The following ETFB variants were observed in gnomAD, a reference collection of about 807,000 sequenced individuals.
The protein encoded by ETFB is beta-ETF.
ETFB carries 20 observed loss-of-function variants against 25.6 expected under a neutral mutation model. The ratio of observed to expected loss-of-function variants is 0.78; its 90% CI spans 0.55 to 1.14. ETFB has a LOEUF of 1.14. ETFB is among the 50% of genes most tolerant of loss of function. ETFB has a pLI of 0.00. For synonymous variants in ETFB, 142 were observed against 146.7 expected (o/e 0.97, Z 0.23); for missense variants, 286 against 342.6 (o/e 0.83, Z 1.30).
Position 51,366,305 on chromosome 19 carries a change from C to T in ETFB, c.22G>A (p.Val8Ile), listed in dbSNP as rs531136177. MAELRVL[V>I]AVKRVIDYAV... Reference sequence around the variant, plus strand: ...TAGTCGATGACCCTCTTGACAGCTACGAGCACGCGCAGCTCCGCCATCTTC... The same window carrying T: ...TAGTCGATGACCCTCTTGACAGCTATGAGCACGCGCAGCTCCGCCATCTTC... The change falls in exon 1 of 6, where the codon GTA becomes ATA. Residue 8 changes from valine to isoleucine, a missense_variant. Physicochemically the swap from Val to Ile is conservative, Grantham distance 29. Coordinates refer to ENST00000309244, the MANE Select transcript of ETFB (RefSeq NM_001985.3). The T allele has an allele frequency of 1.3e-4, 216 of 1,613,508 alleles. No homozygotes were observed. The highest frequency in any genetic ancestry group is 1.7e-4 in the Non-Finnish European group (197 of 1,179,990).
At chr19:51,363,085 TA>T (rs1986270612) in intron 1 of ETFB, among the ~76,000 whole-genome samples, 1 of 152,040 alleles carries the variant, frequency 6.6e-6, no homozygotes. Context: ...TTGCTAAGTA[TA>T]GGGGAAAACA....
At chr19:51,365,052 G>C (rs1423925053) in intron 1 of ETFB, 1 of 152,154 alleles carries the variant, frequency 6.6e-6, no homozygotes, top group African/African-American at 2.4e-5. Flanking sequence ...AAATTAGCCA[G>C]GTGTGGTGGC....
chr19:51,362,569 C>T (rs145318334), intron 1 of ETFB, among the ~76,000 whole-genome samples: 178 of 152,238 alleles, frequency 1.2e-3, no homozygotes, highest in Middle Eastern at 6.8e-3. Context: ...AGATAGACTC[C>T]GTCTCAAAAA....
At chr19:51,359,257 C>T (rs946548459) in intron 1 of ETFB, among the ~76,000 whole-genome samples, 4 of 151,560 alleles carry the variant, frequency 2.6e-5, no homozygotes, top group East Asian at 1.9e-4. Flanking sequence ...AGGATTTCCC[C>T]GTGTTTCCCA....
intron 1 of ETFB, among the ~76,000 whole-genome samples, chr19:51,362,748 G>A (rs1318868747): frequency 2.6e-5 from 4 of 152,162 alleles, no homozygotes; most frequent in Non-Finnish European, 5.9e-5. Context: ...GGAAGTGGAC[G>A]CAGGCGCTGG....
intron 1 of ETFB, 49 bp from the exon 2 acceptor site, chr19:51,354,357 A>T: frequency 6.2e-7 from 1 of 1,613,824 alleles, no homozygotes. Context: ...ACAGGCAAGA[A>T]GGTGGGGGCC....
In ETFB at chr19:51,354,471, G is replaced by A. The variant is rs762800887; in HGVS notation, c.58-163C>T. The A allele has an allele frequency of 8.1e-6, 13 of 1,614,130 alleles. No homozygotes were observed. In the South Asian group the frequency reaches 1.3e-4, roughly 16 times the overall value. ...GCTCCAGGGACAGAACTGGGTTAGA[G>A]TTTGTAGGCAGGGGCAGGTCACCCT... On this transcript the variant is annotated intron_variant, in intron 1 of 5. Coordinates refer to ENST00000309244, the MANE Select transcript of ETFB (RefSeq NM_001985.3).
chr19:51,366,309 C>G lies in ETFB; in HGVS notation c.18G>C (p.Val6=), dbSNP rs572600030. 1.1e-5 allele frequency: 18 copies of G among 1,613,320 alleles called. No homozygotes were observed. The African/African-American group carries it at 2.4e-4, about 22-fold the overall frequency. Residue 6 remains valine, a synonymous_variant, in exon 1 of 6, where the codon GTG becomes GTC. Coordinates refer to ENST00000309244, the MANE Select transcript of ETFB (RefSeq NM_001985.3). The part of the protein sequence containing the change: MAELR[V]LVAVKRVIDY... ...CGATGACCCTCTTGACAGCTACGAG[C>G]ACGCGCAGCTCCGCCATCTTCCCGC...
At chr19:51,345,561 C>G (rs1388635041) in intron 5 of ETFB, 180 bp from the exon 6 acceptor site, 1 of 670,880 alleles carries the variant, frequency 1.5e-6, no homozygotes, top group Non-Finnish European at 2.7e-6. Flanking sequence ...ACAACTCCTG[C>G]TGGCTAGGAG....
intron 3 of ETFB, among the ~76,000 whole-genome samples, chr19:51,352,482 A>C (rs541971949): frequency 5.4e-4 from 81 of 151,202 alleles, no homozygotes; most frequent in African/African-American, 1.9e-3. Context: ...CTCCCTCCCC[A>C]TGCTAAGCCC....
intron 1 of ETFB, among the ~76,000 whole-genome samples, chr19:51,364,476 T>G (rs1487041170): frequency 6.6e-6 from 1 of 152,136 alleles, no homozygotes; most frequent in East Asian, 1.9e-4. Context: ...GAGACATCCA[T>G]GTGCCAGGCT....
chr19:51,346,849 C>A, intron 5 of ETFB, 51 bp downstream of exon 5: 1 of 1,525,530 alleles, frequency 6.6e-7, no homozygotes. Flanking sequence ...ACTGGGCTGG[C>A]AATGTGCTTG....
rs761714465 is a variant in ETFB at position 51,345,282 on chromosome 19, G to A, written c.697C>T (p.Arg233Cys). 5.0e-5 allele frequency: 80 copies of A among 1,614,020 alleles called. No individual in the cohort carries two copies. In the Admixed American group the frequency reaches 8.5e-4, roughly 17 times the overall value. ...SVISVEDPPQ[R>C]TAGVKVETTE... ...GTCTCCACCTTGACGCCGGCCGTGC[G>A]CTGGGGCGGGTCCTCCACACTGATC... is the stretch of plus-strand genomic sequence containing the variant. The change falls in exon 6 of 6, where the codon CGC (arginine) becomes TGC (cysteine). Residue 233 changes from arginine to cysteine, a missense_variant. By Grantham distance (180) the Arg-to-Cys change is radical (BLOSUM62 -3). Coordinates refer to ENST00000309244, the MANE Select transcript of ETFB (RefSeq NM_001985.3).
At position 51,366,374 on chromosome 19, in the gene ETFB, C is replaced by T; in HGVS notation, c.-48G>A. On this transcript the variant is annotated 5_prime_UTR_variant, in exon 1 of 6. Coordinates refer to ENST00000309244, the MANE Select transcript of ETFB (RefSeq NM_001985.3). ...GGGTCAGCCCGCACCCTCAGCGGCT[C>T]AGTCCAGAAGCCCCACCACCCCCGC... The T allele has an allele frequency of 6.3e-7, 1 of 1,584,206 alleles. No individual in the cohort carries two copies. The highest frequency in any genetic ancestry group is 8.6e-7 in the Non-Finnish European group (1 of 1,162,238).
intron 3 of ETFB, among the ~76,000 whole-genome samples, chr19:51,351,482 C>T (rs140864849): frequency 9.8e-5 from 15 of 152,332 alleles, no homozygotes; most frequent in African/African-American, 2.4e-4. Flanking sequence ...CCAGTTCATC[C>T]GGCATTTCCC....
chr19:51,351,838 C>T (rs114996542), intron 3 of ETFB, among the ~76,000 whole-genome samples: 1 of 152,060 alleles, frequency 6.6e-6, no homozygotes, highest in Non-Finnish European at 1.5e-5. Context: ...TCTCCGGGGG[C>T]CCCAGCTCTA....
chr19:51,351,026 G>T (rs1184951045), intron 3 of ETFB, among the ~76,000 whole-genome samples: 1 of 152,236 alleles, frequency 6.6e-6, no homozygotes, highest in African/African-American at 2.4e-5. Context: ...GCAGCCACTT[G>T]TCCAGGGACA....
intron 1 of ETFB, among the ~76,000 whole-genome samples, chr19:51,359,073 A>G (rs1372140690): frequency 6.6e-6 from 1 of 151,498 alleles, no homozygotes. Context: ...AAGAACTGTT[A>G]TTTTCATCTC....
chr19:51,366,187 A>T lies in ETFB; in HGVS notation c.57+83T>A, dbSNP rs1342774194. ...GCGGCAGAGGTCGGGGGTTACGAGA[A>T]GACCCCCACCCAGTGTGCGCTCGTG... On this transcript the variant is annotated intron_variant, in intron 1 of 5. Coordinates refer to ENST00000309244, the MANE Select transcript of ETFB (RefSeq NM_001985.3). 9.9e-5 allele frequency: 135 copies of T among 1,357,438 alleles called. 4 individuals carry two copies. In the South Asian group the frequency reaches 1.1e-3, roughly 11 times the overall value. The allele number at this position is 1,357,438 out of a possible 1,614,324, so 84.1% of individuals were successfully genotyped here.
Sources: allele counts gnomAD v4.1 joint callset (sites outside exome capture counted in the v4.1 genomes callset), GRCh38; gene constraint gnomAD v4.1.1; transcripts MANE v1.5; gene names NCBI Gene and HGNC (gene_info 2026-07-23, HGNC 2026-07-21).